PGAP1: variants seen among roughly 807,000 people sequenced by gnomAD.
The protein encoded by PGAP1 is GPI inositol-deacylase.
In PGAP1, 76 loss-of-function variants were observed where a neutral mutation model predicts 127.0. That is an observed-to-expected ratio of 0.60 (90% CI 0.50 to 0.72). The LOEUF (loss-of-function observed/expected upper bound fraction) is 0.72, where lower values mean the gene tolerates loss of function less well. Ranked by LOEUF, PGAP1 falls within the 30% of genes least tolerant of loss-of-function variation. The pLI, the probability that PGAP1 is intolerant of heterozygous loss-of-function variation, is 0.00. For missense variants in PGAP1, 982 were observed against 1,071.3 expected, an observed-to-expected ratio of 0.92 and a Z score of 1.16; for synonymous variants, 362 against 366.5, an observed-to-expected ratio of 0.99 and a Z score of 0.14.
At chr2:196,846,128 TACATAAGGTAA>T (rs1700550059) in intron 22 of PGAP1, 111 bp from the exon 23 acceptor site, 1 of 544,006 alleles carries the variant, frequency 1.8e-6, no homozygotes, top group South Asian at 6.9e-5. Context: ...TATATGCAAA[TACATAAGGTAA>T]ACAACAAGGT....
chr2:196,854,143 C>A (rs1160300389), intron 20 of PGAP1, among the ~76,000 whole-genome samples: 1 of 152,008 alleles, frequency 6.6e-6, no homozygotes, highest in African/African-American at 2.4e-5. Flanking sequence ...GTGATCCACC[C>A]TCCTATGCCT....
At chr2:196,891,564 A>C (rs1348533606) in intron 9 of PGAP1, among the ~76,000 whole-genome samples, 1 of 152,126 alleles carries the variant, frequency 6.6e-6, no homozygotes, top group East Asian at 1.9e-4. Flanking sequence ...AATGGTCACT[A>C]ATAAGAGGAA....
Position 196,898,661 on chromosome 2 carries a change from T to A in PGAP1, c.808-292A>T, listed in dbSNP as rs145022959. Among the ~76,000 whole-genome samples the A allele has an allele frequency of 6.5e-3, 990 of 152,338 alleles. 6 individuals carry two copies. The highest frequency in any genetic ancestry group is 0.023 in the African/African-American group (937 of 41,578). On this transcript the variant is annotated intron_variant, in intron 5 of 26. Transcript: ENST00000354764. Reference sequence around the variant, plus strand: ...AACCACAGACTCCTAAAGTTTAATGTCTAACTTTTTATTACTCTAATGAGA... The same window carrying A: ...AACCACAGACTCCTAAAGTTTAATGACTAACTTTTTATTACTCTAATGAGA...
intron 13 of PGAP1, among the ~76,000 whole-genome samples, chr2:196,876,693 TG>T (rs1462802946): frequency 6.6e-6 from 1 of 152,094 alleles, no homozygotes; most frequent in East Asian, 1.9e-4. Flanking sequence ...GGAAAGCTAG[TG>T]GGGTCTATCC....
At chr2:196,890,940 A>G (rs764215589) in intron 9 of PGAP1, 29 bp from the exon 10 acceptor site, 10 of 1,081,082 alleles carry the variant, frequency 9.2e-6, no homozygotes, top group East Asian at 4.7e-5. Flanking sequence ...CACTCAATAT[A>G]GCTGTAATGA....
chr2:196,885,911 C>T (rs1211544134), intron 10 of PGAP1, 31 bp from the exon 11 acceptor site: 4 of 1,339,008 alleles, frequency 3.0e-6, no homozygotes, highest in Non-Finnish European at 3.9e-6. Context: ...ACAAAACACA[C>T]TAAGTATTGT....
intron 2 of PGAP1, 118 bp from the exon 3 acceptor site, chr2:196,916,711 T>G: frequency 1.9e-6 from 2 of 1,027,472 alleles, no homozygotes; most frequent in Non-Finnish European, 2.6e-6. Context: ...ACCACCTATT[T>G]CAGGATGAAA....
At chr2:196,865,927 G>GA (rs923054694) in intron 19 of PGAP1, among the ~76,000 whole-genome samples, 10 of 152,102 alleles carry the variant, frequency 6.6e-5, no homozygotes, top group African/African-American at 2.4e-4. Context: ...GGATATGAAG[G>GA]ACCTCTTCAA....
chr2:196,897,742 C>G (rs1375702827), intron 6 of PGAP1, among the ~76,000 whole-genome samples: 1 of 152,130 alleles, frequency 6.6e-6, no homozygotes, highest in African/African-American at 2.4e-5. Context: ...AGTAAAAACT[C>G]AAAAACTTTG....
In PGAP1 at chr2:196,887,315, C is replaced by T. The variant is rs182719849; in HGVS notation, c.1174-1435G>A. On this transcript the variant is annotated intron_variant, in intron 10 of 26. Coordinates refer to ENST00000354764, the MANE Select transcript of PGAP1 (RefSeq NM_024989.4). The stretch of plus-strand genomic sequence containing the variant: ...AGGAGAATGGCATGAACCTGGGAGG[C>T]GGAGCTTGCAGTGAGCCGAGATCGC... 4.1e-3 allele frequency among the ~76,000 whole-genome samples: 617 copies of T among 152,074 alleles called. 3 individuals are homozygous for T. Among genetic ancestry groups the T allele is most frequent in the African/African-American group, 0.014 (573 of 41,498 alleles).
At chr2:196,893,920 C>G (rs1410172498) in intron 7 of PGAP1, among the ~76,000 whole-genome samples, 1 of 152,144 alleles carries the variant, frequency 6.6e-6, no homozygotes, top group South Asian at 2.1e-4. Context: ...GAGGCCCTGA[C>G]AGGTAAATGA....
Position 196,890,856 on chromosome 2 carries a change from G to C in PGAP1, c.1145C>G (p.Thr382Ser), listed in dbSNP as rs747651996. Reference protein sequence around the residue: ...FPLENHRKIYTHVYCQSTMLD... With the variant: ...FPLENHRKIYSHVYCQSTMLD... ...CATAGTGCTCTGACAATAGACATGA[G>C]TGTAGATTTTTCTATGATTTTCAAG... Residue 382 changes from threonine (T) to serine (S), a missense_variant, in exon 10 of 27, where the codon ACT (threonine) becomes AGT (serine). Physicochemically the swap from Thr to Ser is moderately conservative, Grantham distance 58. Coordinates refer to ENST00000354764, the MANE Select transcript of PGAP1 (RefSeq NM_024989.4). 2.6e-6 allele frequency: 4 copies of C among 1,550,878 alleles called. No individual in the cohort carries two copies. The highest frequency in any genetic ancestry group is 2.7e-5 in the African/African-American group (2 of 73,468).
chr2:196,885,018 T>C (rs1701852793), intron 12 of PGAP1, among the ~76,000 whole-genome samples: 1 of 152,160 alleles, frequency 6.6e-6, no homozygotes, highest in South Asian at 2.1e-4. Context: ...CCATGTATCA[T>C]ATCTGTTTGA....
At chr2:196,903,048 T>C (rs1435496349) in intron 4 of PGAP1, among the ~76,000 whole-genome samples, 1 of 152,170 alleles carries the variant, frequency 6.6e-6, no homozygotes, top group Non-Finnish European at 1.5e-5. Context: ...ATGATGCTTA[T>C]TTATGAGTCA....
At chr2:196,849,261 AT>A (rs747641877) in intron 20 of PGAP1, among the ~76,000 whole-genome samples, 2,809 of 135,956 alleles carry the variant, frequency 0.021, 44 homozygotes, top group African/African-American at 0.06. Flanking sequence ...TGTCAGAATA[AT>A]TTTTTTTTTT....
At chr2:196,899,759 C>T (rs1484059908) in intron 5 of PGAP1, among the ~76,000 whole-genome samples, 2 of 152,186 alleles carry the variant, frequency 1.3e-5, no homozygotes, top group Non-Finnish European at 2.9e-5. Flanking sequence ...TGAGATCGGG[C>T]GTAGTGGCTC....
At position 196,870,857 on chromosome 2, in the gene PGAP1, CT is replaced by C. The variant is rs1701388494; in HGVS notation, c.1767+83del. On this transcript the variant is annotated intron_variant, in intron 19 of 26. Transcript: ENST00000354764. ...CAAAAAATTATTGATTATCCAGCCCCTTATGGAAAAAGTCTACAACCCTTCC... is the reference window on the plus strand; with the variant it reads ...CAAAAAATTATTGATTATCCAGCCCCTATGGAAAAAGTCTACAACCCTTCC... The C allele has an allele frequency of 4.2e-6, 5 of 1,189,338 alleles. No homozygotes were observed. In the African/African-American group the frequency reaches 6.2e-5, roughly 15 times the overall value. 73.7% of individuals were successfully genotyped at this position (1,189,338 alleles called of 1,614,324 possible). A position where few individuals can be genotyped will look rare whatever the true frequency, so the allele number is the denominator to read the frequency against.
At chr2:196,897,280 G>C in intron 6 of PGAP1, 83 bp from the exon 7 acceptor site, 1 of 805,690 alleles carries the variant, frequency 1.2e-6, no homozygotes, top group East Asian at 3.1e-5. Context: ...CTATTGTTTA[G>C]TGGAACATTT....
At chr2:196,911,650 A>G (rs1395778247) in intron 4 of PGAP1, among the ~76,000 whole-genome samples, 3 of 143,074 alleles carry the variant, frequency 2.1e-5, no homozygotes, top group African/African-American at 7.7e-5. Context: ...AGATAATGCA[A>G]ATTTTTATAG....
Sources: gnomAD v4.1 joint callset for allele counts (sites outside exome capture counted in the v4.1 genomes callset) on GRCh38, gnomAD v4.1.1 for gene constraint, MANE v1.5 for transcripts, NCBI Gene and HGNC (gene_info 2026-07-23, HGNC 2026-07-21) for gene names.